The following SNTG1 variants were observed in gnomAD, a reference collection of about 807,000 sequenced individuals.
The protein encoded by SNTG1 is gamma-1-syntrophin.
A neutral mutation model predicts 74.7 loss-of-function variants in SNTG1; 39 were observed. The observed-to-expected ratio is 0.52, with a 90% CI of 0.40 to 0.68. The LOEUF (loss-of-function observed/expected upper bound fraction) is 0.68, where lower values mean the gene tolerates loss of function less well. Among genes scored for constraint, SNTG1 ranks in the 30% least tolerant of loss-of-function variants. SNTG1 has a pLI of 0.00. For synonymous variants in SNTG1, 254 were observed against 217.1 expected, an observed-to-expected ratio of 1.17 and a Z score of -1.49; for missense variants, 685 against 609.5, an observed-to-expected ratio of 1.12 and a Z score of -1.30.
intron 2 of SNTG1, among the ~76,000 whole-genome samples, chr8:50,389,443 A>G (rs2092623427): frequency 6.6e-6 from 1 of 152,180 alleles, no homozygotes; most frequent in Non-Finnish European, 1.5e-5. Context: ...TTCACAGCCA[A>G]CAGGCCCTGG....
chr8:50,355,744 C>T (rs2091799401), intron 2 of SNTG1, among the ~76,000 whole-genome samples: 1 of 152,174 alleles, frequency 6.6e-6, no homozygotes, highest in Non-Finnish European at 1.5e-5. Context: ...TGTGAGATTC[C>T]TATGGTATAA....
intron 10 of SNTG1, among the ~76,000 whole-genome samples, chr8:50,533,026 A>T (rs1031120643): frequency 2.0e-5 from 3 of 152,190 alleles, no homozygotes; most frequent in Non-Finnish European, 4.4e-5. Flanking sequence ...TATTAGCATC[A>T]TTCCACTATC....
At chr8:50,538,882 CT>C (rs1483534640) in intron 11 of SNTG1, among the ~76,000 whole-genome samples, 1 of 152,028 alleles carries the variant, frequency 6.6e-6, no homozygotes, top group East Asian at 1.9e-4. Context: ...TGTTTTCTTT[CT>C]GTTAAACAGA....
chr8:50,776,365 G>C (rs1407097789), intron 18 of SNTG1, among the ~76,000 whole-genome samples: 1 of 147,622 alleles, frequency 6.8e-6, no homozygotes, highest in Admixed American at 6.8e-5. Flanking sequence ...CATATTTTAA[G>C]TCTCTTTACC....
intron 2 of SNTG1, among the ~76,000 whole-genome samples, chr8:50,388,403 G>A (rs2092606908): frequency 6.6e-6 from 1 of 152,104 alleles, no homozygotes; most frequent in Non-Finnish European, 1.5e-5. Flanking sequence ...GACTACCAGT[G>A]TTCTTGTTAA....
At chr8:50,169,542 G>A (rs1003766375) in intron 1 of SNTG1, among the ~76,000 whole-genome samples, 37 of 152,160 alleles carry the variant, frequency 2.4e-4, no homozygotes, top group Non-Finnish European at 5.3e-4. Context: ...GGAAGGACAT[G>A]GTGGCAAGAG....
chr8:49,958,555 G>A (rs774265914), intron 1 of SNTG1, among the ~76,000 whole-genome samples: 1 of 152,094 alleles, frequency 6.6e-6, no homozygotes, highest in Non-Finnish European at 1.5e-5. Flanking sequence ...CAAGTAGCTG[G>A]GACTACAGGC....
chr8:49,924,978 C>T (rs896237664), intron 1 of SNTG1, among the ~76,000 whole-genome samples: 5 of 151,660 alleles, frequency 3.3e-5, no homozygotes, highest in Admixed American at 1.3e-4. Context: ...AGTGAGACCC[C>T]CCCATCACTA....
At chr8:50,635,953 G>A (rs974886712) in intron 13 of SNTG1, among the ~76,000 whole-genome samples, 2 of 152,070 alleles carry the variant, frequency 1.3e-5, no homozygotes, top group African/African-American at 4.8e-5. Context: ...GCTCTGCCTG[G>A]GTATTGCTGC....
At chr8:50,701,376 T>C (rs938734992) in intron 15 of SNTG1, among the ~76,000 whole-genome samples, 3 of 152,204 alleles carry the variant, frequency 2.0e-5, no homozygotes, top group Non-Finnish European at 2.9e-5. Flanking sequence ...TTCCCTAGCT[T>C]CAGCTCTCAA....
intron 15 of SNTG1, among the ~76,000 whole-genome samples, chr8:50,702,030 T>C (rs550238923): frequency 2.7e-5 from 4 of 149,670 alleles, no homozygotes; most frequent in African/African-American, 9.9e-5. Flanking sequence ...TTTGTATTTT[T>C]ATTAGAAATG....
At position 50,120,508 on chromosome 8, in the gene SNTG1, A is replaced by C. The variant is rs73573557; in HGVS notation, c.-102-52053A>C. Among the ~76,000 whole-genome samples, 47 of 125,256 alleles carry C rather than the reference A, an allele frequency of 3.8e-4. 5 individuals are homozygous for C. The highest frequency in any genetic ancestry group is 1.3e-3 in the African/African-American group (33 of 24,688). 82.2% of individuals were successfully genotyped at this position (125,256 alleles called of 152,430 possible). A position where few individuals can be genotyped will look rare whatever the true frequency, so the allele number is the denominator to read the frequency against. On this transcript the variant is annotated intron_variant, in intron 1 of 18. Transcript: ENST00000642720. Reference sequence around the variant, plus strand: ...CACTAACACTATCCAACATTACTGCAATCACCAATACTGCCATCACCAATA... The same window carrying C: ...CACTAACACTATCCAACATTACTGCCATCACCAATACTGCCATCACCAATA...
At chr8:50,197,666 G>A (rs1457200754) in intron 2 of SNTG1, among the ~76,000 whole-genome samples, 1 of 152,072 alleles carries the variant, frequency 6.6e-6, no homozygotes, top group Non-Finnish European at 1.5e-5. Flanking sequence ...AGAGTGGCAA[G>A]CTACATATCA....
chr8:50,787,612 C>T (rs1270488023), intron 18 of SNTG1, among the ~76,000 whole-genome samples: 3 of 151,892 alleles, frequency 2.0e-5, no homozygotes, highest in Non-Finnish European at 2.9e-5. Flanking sequence ...AAATGTTCAA[C>T]AGGTGATGAA....
At chr8:50,791,749 C>T (rs1220602054) in intron 18 of SNTG1, among the ~76,000 whole-genome samples, 1 of 151,530 alleles carries the variant, frequency 6.6e-6, no homozygotes, top group African/African-American at 2.4e-5. Flanking sequence ...CTCTAGTTAC[C>T]CTCCTTGTGA....
intron 9 of SNTG1, among the ~76,000 whole-genome samples, chr8:50,515,993 C>T (rs906987501): frequency 1.3e-5 from 2 of 152,138 alleles, no homozygotes; most frequent in Admixed American, 6.5e-5. Flanking sequence ...CCCATGCCTC[C>T]TGACTGGGAG....
intron 13 of SNTG1, among the ~76,000 whole-genome samples, chr8:50,594,506 A>G (rs1169688320): frequency 3.3e-5 from 5 of 152,116 alleles, no homozygotes; most frequent in Non-Finnish European, 7.4e-5. Context: ...AAAATAACAT[A>G]TTAGCTCTGG....
chr8:49,945,528 T>A (rs1196046984), intron 1 of SNTG1, among the ~76,000 whole-genome samples: 1 of 152,202 alleles, frequency 6.6e-6, no homozygotes, highest in Non-Finnish European at 1.5e-5. Context: ...TGACTTACAA[T>A]AAGCTTGAAA....
At chr8:50,066,996 T>G (rs895220310) in intron 1 of SNTG1, among the ~76,000 whole-genome samples, 1 of 152,222 alleles carries the variant, frequency 6.6e-6, no homozygotes, top group African/African-American at 2.4e-5. Flanking sequence ...TGAATATCAT[T>G]AACCATCACT....
Sources: allele counts gnomAD v4.1 joint callset (sites outside exome capture counted in the v4.1 genomes callset), GRCh38; gene constraint gnomAD v4.1.1; transcripts MANE v1.5; gene names NCBI Gene and HGNC (gene_info 2026-07-23, HGNC 2026-07-21).